RIN3: variants seen among roughly 807,000 people sequenced by gnomAD.
The protein encoded by RIN3 is Ras and Rab interactor 3.
Under a neutral mutation model 76.3 loss-of-function variants are expected in RIN3, and 54 were observed. The ratio of observed to expected loss-of-function variants is 0.71; its 90% CI spans 0.57 to 0.89. The LOEUF is 0.89. RIN3 is among the 40% of genes least tolerant of loss of function. The pLI is 0.00. For synonymous variants in RIN3, 576 were observed against 564.0 expected (o/e 1.02, Z -0.30); for missense variants, 1,256 against 1,322.1 (o/e 0.95, Z 0.78).
intron 2 of RIN3, among the ~76,000 whole-genome samples, chr14:92,565,534 G>A (rs1897893406): frequency 6.6e-6 from 1 of 152,218 alleles, no homozygotes; most frequent in Non-Finnish European, 1.5e-5. Flanking sequence ...GATCAAACAA[G>A]GGGTGGATTA....
chr14:92,665,395 T>C (rs998199248), intron 7 of RIN3, among the ~76,000 whole-genome samples: 3 of 93,124 alleles, frequency 3.2e-5, no homozygotes, highest in African/African-American at 8.7e-5. Flanking sequence ...TTTTTTTTTT[T>C]TGAGACAGAG....
chr14:92,615,396 T>C lies in RIN3; in HGVS notation c.368-11T>C. 6.2e-7 allele frequency: 1 copy of C among 1,613,386 alleles called. No individual in the cohort carries two copies. Among genetic ancestry groups the C allele is most frequent in the Non-Finnish European group, 8.5e-7 (1 of 1,179,346 alleles). ...CTCACCTCACCCAGGGCCCTTCTTG[T>C]GTCTCCCCAGTATTGTACCTGGAAG... is the stretch of plus-strand genomic sequence containing the variant. On this transcript the variant is annotated splice_polypyrimidine_tract_variant and intron_variant, in intron 3 of 9. Transcript: ENST00000216487.
intron 2 of RIN3, among the ~76,000 whole-genome samples, chr14:92,572,877 C>CTTTTTTTT (rs763771909): frequency 1.0e-4 from 10 of 100,100 alleles, no homozygotes; most frequent in African/African-American, 1.3e-4. Context: ...CTTTTTTTTG[C>CTTTTTTTT]TTTTTTTTTT....
At position 92,589,671 on chromosome 14, in the gene RIN3, A is replaced by G. The variant is rs12436680; in HGVS notation, c.367+12194A>G. ...AAATGGGCTCATAATCATAGTGGTG[A>G]TTAACTGAAACTTTGTGCAATAATA... On this transcript the variant is annotated intron_variant, in intron 3 of 9. Transcript: ENST00000216487. 8.1e-3 allele frequency among the ~76,000 whole-genome samples: 1,230 copies of G among 152,288 alleles called. 19 individuals are homozygous for G. Among genetic ancestry groups the G allele is most frequent in the African/African-American group, 0.028 (1,175 of 41,548 alleles).
rs112457277 is a variant in RIN3, at chr14:92,607,384, C to T, written c.368-8023C>T. Among the ~76,000 whole-genome samples, 160 of 152,302 alleles carry T rather than the reference C, an allele frequency of 1.1e-3. 1 individual carries two copies. The highest frequency in any genetic ancestry group is 3.4e-3 in the African/African-American group (143 of 41,562). Reference sequence around the variant, plus strand: ...AGAGGCTGGACATGGCAGCTCATGCCGGTAATTCCAGCGTTTTGGGAGACC... The same window carrying T: ...AGAGGCTGGACATGGCAGCTCATGCTGGTAATTCCAGCGTTTTGGGAGACC... On this transcript the variant is annotated intron_variant, in intron 3 of 9. Transcript: ENST00000216487.
In RIN3 at chr14:92,652,148, C is replaced by A. The variant is rs1457252979; in HGVS notation, c.1099C>A (p.Pro367Thr). ...GATGAAGCCAGGGGCAGCCTCCAGT[C>A]CCTTGCAGCAGGTCCCCGCCCCGCC... ...EAMKPGAASS[P>T]LQQVPAPPLP... Residue 367 changes from proline to threonine, a missense_variant, in exon 6 of 10, where the codon CCC becomes ACC. By Grantham distance (38) the Pro-to-Thr change is conservative. This residue lies in a region of RIN3 where 610 missense variants were observed against 626.4 expected (regional missense o/e 0.97). Coordinates refer to ENST00000216487, the MANE Select transcript of RIN3 (RefSeq NM_024832.5). This position sits in a 1 kb window ranked among gnomAD's most constrained non-coding sequence, Gnocchi z 6.4. 5.6e-6 allele frequency: 9 copies of A among 1,604,256 alleles called. No individual in the cohort carries two copies. The South Asian group carries it at 1.0e-4, about 18-fold the overall frequency.
intron 5 of RIN3, among the ~76,000 whole-genome samples, chr14:92,642,959 A>T (rs1329769564): frequency 6.6e-6 from 1 of 152,166 alleles, no homozygotes; most frequent in Non-Finnish European, 1.5e-5. Flanking sequence ...GAGGCACAAG[A>T]GGTTAAGTCA....
Position 92,577,376 on chromosome 14 carries a change from G to A in RIN3, c.266G>A (p.Arg89Gln), listed in dbSNP as rs148082115. 91 of 1,612,916 alleles carry A rather than the reference G, an allele frequency of 5.6e-5. 1 individual carries two copies. The highest frequency in any genetic ancestry group is 4.9e-4 in the Middle Eastern group (3 of 6,074). The change falls in exon 3 of 10, where the codon CGG becomes CAG. Residue 89 changes from arginine (R) to glutamine (Q), a missense_variant. By Grantham distance (43) the Arg-to-Gln change is conservative. Transcript: ENST00000216487. ...TGGTTTCAGATGTTCCTGGTTCGCC[G>A]GGACAGCAGCTCGAAGCAGCTGGTG... is the stretch of plus-strand genomic sequence containing the variant. ...RVVAGMFLVR[R>Q]DSSSKQLVLC...
At chr14:92,537,012 A>G (rs556441462) in intron 1 of RIN3, among the ~76,000 whole-genome samples, 47 of 152,178 alleles carry the variant, frequency 3.1e-4, no homozygotes, top group African/African-American at 1.0e-3. Context: ...AAAAATATAT[A>G]TATATATAAT....
intron 3 of RIN3, among the ~76,000 whole-genome samples, chr14:92,615,059 T>A (rs1595457529): frequency 6.6e-6 from 1 of 152,038 alleles, no homozygotes; most frequent in African/African-American, 2.4e-5. Context: ...GCCAGGCTGG[T>A]CTTGAACTCC....
chr14:92,657,083 G>C (rs1331603853), intron 6 of RIN3, among the ~76,000 whole-genome samples: 1 of 152,224 alleles, frequency 6.6e-6, no homozygotes, highest in East Asian at 1.9e-4. Context: ...ACAGGGCGGG[G>C]TGTGGTGGCT....
At chr14:92,667,757 A>G (rs1037891250) in intron 7 of RIN3, among the ~76,000 whole-genome samples, 2 of 151,982 alleles carry the variant, frequency 1.3e-5, no homozygotes, top group South Asian at 2.1e-4. Context: ...TGTAAGTCCA[A>G]TTGCATAGAG....
chr14:92,585,631 G>A (rs1258563026), intron 3 of RIN3, among the ~76,000 whole-genome samples: 2 of 152,074 alleles, frequency 1.3e-5, no homozygotes, highest in African/African-American at 4.8e-5. Context: ...AGGTTTTTTT[G>A]TTTGTTTGTT....
chr14:92,661,845 T>C (rs1287481065), intron 7 of RIN3, among the ~76,000 whole-genome samples: 1 of 151,566 alleles, frequency 6.6e-6, no homozygotes, highest in East Asian at 1.9e-4. Context: ...GGAGATATGA[T>C]GGGAAGAGAG....
intron 1 of RIN3, among the ~76,000 whole-genome samples, chr14:92,533,082 A>G (rs1333596477): frequency 6.6e-6 from 1 of 152,238 alleles, no homozygotes; most frequent in Non-Finnish European, 1.5e-5. Context: ...AACAACACTC[A>G]ACATGCATAT....
At chr14:92,597,423 T>C (rs1055299588) in intron 3 of RIN3, among the ~76,000 whole-genome samples, 10 of 152,154 alleles carry the variant, frequency 6.6e-5, no homozygotes, top group Admixed American at 2.6e-4. Context: ...AGAGGATCGG[T>C]CAAGTGTTTT....
At chr14:92,569,315 G>T (rs115417620) in intron 2 of RIN3, among the ~76,000 whole-genome samples, 3 of 152,194 alleles carry the variant, frequency 2.0e-5, no homozygotes, top group Admixed American at 1.3e-4. Context: ...CTCAGTGAGC[G>T]TCCTGTTGGG....
intron 7 of RIN3, among the ~76,000 whole-genome samples, chr14:92,661,143 G>C: frequency 6.6e-6 from 1 of 152,222 alleles, no homozygotes; most frequent in African/African-American, 2.4e-5. Flanking sequence ...TCAGTCACTT[G>C]TGAGTATTAG....
intron 6 of RIN3, among the ~76,000 whole-genome samples, chr14:92,655,152 G>A (rs1049056440): frequency 7.9e-5 from 12 of 151,904 alleles, no homozygotes; most frequent in South Asian, 4.2e-4. Flanking sequence ...GCAACAGAGT[G>A]AGACTTTGTC....
Sources: gnomAD v4.1 joint callset for allele counts (sites outside exome capture counted in the v4.1 genomes callset) on GRCh38, gnomAD v4.1.1 for gene constraint, gnomAD v4.1.1 regional missense constraint, Gnocchi (gnomAD v3.1) non-coding constraint, MANE v1.5 for transcripts, NCBI Gene and HGNC (gene_info 2026-07-23, HGNC 2026-07-21) for gene names.